Variants in CNTN6 observed in about 807,000 individuals in gnomAD.
CNTN6 encodes the protein contactin 6.
In CNTN6, 137 loss-of-function variants were observed where a neutral mutation model predicts 122.8. The ratio of observed to expected loss-of-function variants is 1.12; its 90% CI spans 0.97 to 1.29. The LOEUF (loss-of-function observed/expected upper bound fraction) is 1.29, where lower values mean the gene tolerates loss of function less well. CNTN6 is among the 50% of genes most tolerant of loss of function. The pLI, the probability that CNTN6 is intolerant of heterozygous loss-of-function variation, is 0.00. For missense variants in CNTN6, 1,634 were observed against 1,223.4 expected (o/e 1.34, Z -5.01); for synonymous variants, 570 against 426.0 (o/e 1.34, Z -4.16).
At chr3:1,120,391 A>G in intron 1 of CNTN6, among the ~76,000 whole-genome samples, 1 of 151,820 alleles carries the variant, frequency 6.6e-6, no homozygotes. Flanking sequence ...AGTTTTAGTC[A>G]TTATTCTGGG....
rs775621097 is a variant in CNTN6 at position 1,111,993 on chromosome 3, G to T, written c.-83+18873G>T. 5.9e-4 allele frequency among the ~76,000 whole-genome samples: 90 copies of T among 152,100 alleles called. 1 individual carries two copies. The highest frequency in any genetic ancestry group is 1.8e-4 in the Non-Finnish European group (12 of 68,012). ...TCTTTGAGCCAAAATACTTAAAAAT[G>T]GAACTATTATGTAGTTATTTTGCCC... On this transcript the variant is annotated intron_variant, in intron 1 of 22. Transcript: ENST00000446702.
intron 4 of CNTN6, among the ~76,000 whole-genome samples, chr3:1,240,392 T>C (rs983175542): frequency 2.0e-5 from 3 of 152,146 alleles, no homozygotes; most frequent in Non-Finnish European, 4.4e-5. Flanking sequence ...AAAGAAGATA[T>C]ACAAATGGCA....
intron 4 of CNTN6, among the ~76,000 whole-genome samples, chr3:1,257,215 G>A (rs968631918): frequency 6.6e-6 from 1 of 151,978 alleles, no homozygotes; most frequent in African/African-American, 2.4e-5. Flanking sequence ...TTCTGTTGAA[G>A]GATTCAAATT....
intron 2 of CNTN6, among the ~76,000 whole-genome samples, chr3:1,218,102 G>A (rs560558000): frequency 2.6e-4 from 40 of 152,264 alleles, no homozygotes; most frequent in South Asian, 1.5e-3. Context: ...GGCGAGAGAG[G>A]CATCCATGCA....
intron 2 of CNTN6, among the ~76,000 whole-genome samples, chr3:1,148,367 A>G (rs2092767477): frequency 6.6e-6 from 1 of 151,844 alleles, no homozygotes; most frequent in African/African-American, 2.4e-5. Context: ...TAATAAAAGA[A>G]TGTAATTAAA....
chr3:1,163,082 G>T (rs965598881), intron 2 of CNTN6, among the ~76,000 whole-genome samples: 2 of 152,174 alleles, frequency 1.3e-5, no homozygotes, highest in Non-Finnish European at 2.9e-5. Flanking sequence ...ATTACCCAAT[G>T]ATTCTAAGAT....
chr3:1,373,694 G>T lies in CNTN6; in HGVS notation c.1877G>T (p.Ser626Ile). 3 of 1,612,998 alleles carry T rather than the reference G, an allele frequency of 1.9e-6. No individual in the cohort carries two copies. The highest frequency in any genetic ancestry group is 2.5e-6 in the Non-Finnish European group (3 of 1,179,328). ...TGGAGAGCAGGCCCAGATAATAACA[G>T]TCCCATTCAAATATTTACTATTCAG... ...LSWRAGPDNN[S>I]PIQIFTIQTR... The change falls in exon 15 of 23, where the codon AGT becomes ATT. Residue 626 changes from serine (S) to isoleucine (I), a missense_variant. Transcript: ENST00000446702.
intron 8 of CNTN6, among the ~76,000 whole-genome samples, chr3:1,325,061 G>T (rs1470697267): frequency 6.6e-6 from 1 of 151,830 alleles, no homozygotes; most frequent in Non-Finnish European, 1.5e-5. Flanking sequence ...TTATGAAAGA[G>T]ATATTCATGT....
chr3:1,196,607 C>T (rs538866173), intron 2 of CNTN6, among the ~76,000 whole-genome samples: 1 of 152,062 alleles, frequency 6.6e-6, no homozygotes, highest in Non-Finnish European at 1.5e-5. Flanking sequence ...AGCTCTTGGA[C>T]CAAGACCTGA....
intron 4 of CNTN6, among the ~76,000 whole-genome samples, chr3:1,249,321 A>G (rs768921342): frequency 3.3e-5 from 5 of 152,202 alleles, no homozygotes; most frequent in Non-Finnish European, 5.9e-5. Context: ...CACCTACCAT[A>G]TGTGTCAAAC....
intron 2 of CNTN6, among the ~76,000 whole-genome samples, chr3:1,197,203 C>T (rs2125409139): frequency 6.6e-6 from 1 of 152,294 alleles, no homozygotes; most frequent in Non-Finnish European, 1.5e-5. Flanking sequence ...ATTGACATAC[C>T]TCTCAGCATC....
chr3:1,334,238 T>A (rs1285712986), intron 11 of CNTN6, among the ~76,000 whole-genome samples: 2 of 152,112 alleles, frequency 1.3e-5, no homozygotes, highest in South Asian at 2.1e-4. Flanking sequence ...GAAATAGCAC[T>A]TATATTGAAG....
chr3:1,379,067 T>G (rs1416397699), intron 17 of CNTN6, among the ~76,000 whole-genome samples: 3 of 152,194 alleles, frequency 2.0e-5, no homozygotes, highest in African/African-American at 7.2e-5. Flanking sequence ...TAACTTATTT[T>G]GTTCTCCTCC....
At chr3:1,186,250 G>C (rs572029587) in intron 2 of CNTN6, among the ~76,000 whole-genome samples, 17 of 152,182 alleles carry the variant, frequency 1.1e-4, no homozygotes, top group African/African-American at 4.1e-4. Flanking sequence ...TGTTACCAAG[G>C]GTTACTTATC....
rs528500702 is a variant in CNTN6, at chr3:1,151,727, C to G, written c.55+3664C>G. 3.8e-4 allele frequency among the ~76,000 whole-genome samples: 58 copies of G among 152,286 alleles called. No homozygotes were observed. The South Asian group carries it at 0.011, about 30-fold the overall frequency. On this transcript the variant is annotated intron_variant, in intron 2 of 22. Coordinates refer to ENST00000446702, the MANE Select transcript of CNTN6 (RefSeq NM_001289080.2). Reference sequence around the variant, plus strand: ...ACAGGGAAACCAGCAAGTAAGTCCACTTAAACTGAGATTCTGCCCCTTGTG... The same window carrying G: ...ACAGGGAAACCAGCAAGTAAGTCCAGTTAAACTGAGATTCTGCCCCTTGTG...
chr3:1,160,344 G>GTATATATATATATATA lies in CNTN6; in HGVS notation c.55+12290_55+12305dup, dbSNP rs56703431. The stretch of plus-strand genomic sequence containing the variant: ...TCTCATCACACAATTTACTTTTACT[G>GTATATATATATATATA]TATATATATATATATATATATATAC... On this transcript the variant is annotated intron_variant, in intron 2 of 22. Transcript: ENST00000446702. 6.7e-3 allele frequency among the ~76,000 whole-genome samples: 743 copies of GTATATATATATATATA among 110,780 alleles called. 3 individuals are homozygous for GTATATATATATATATA. The highest frequency in any genetic ancestry group is 0.011 in the Middle Eastern group (2 of 186). The allele number at this position is 110,780 out of a possible 152,430, so 72.7% of individuals were successfully genotyped here.
At chr3:1,291,518 C>T (rs931214535) in intron 5 of CNTN6, among the ~76,000 whole-genome samples, 1 of 152,182 alleles carries the variant, frequency 6.6e-6, no homozygotes, top group Non-Finnish European at 1.5e-5. Flanking sequence ...AAGCGTATTT[C>T]TCTCCACAAA....
At chr3:1,334,898 G>A (rs879638820) in intron 11 of CNTN6, among the ~76,000 whole-genome samples, 17 of 152,220 alleles carry the variant, frequency 1.1e-4, no homozygotes, top group African/African-American at 2.6e-4. Flanking sequence ...TTAATAGACC[G>A]ATGGTATGAT....
chr3:1,372,281 A>G lies in CNTN6; in HGVS notation c.1493-18A>G, dbSNP rs182077459. 1.3e-6 allele frequency: 2 copies of G among 1,573,922 alleles called. No homozygotes were observed. Among genetic ancestry groups the G allele is most frequent in the Non-Finnish European group, 1.7e-6 (2 of 1,162,530 alleles). Reference sequence around the variant, plus strand: ...TAGCATTTCATAAGCTTTAAAAAATAATTTTTTTTCTCAACAGAGAGAACT... The same window carrying G: ...TAGCATTTCATAAGCTTTAAAAAATGATTTTTTTTCTCAACAGAGAGAACT... On this transcript the variant is annotated intron_variant, in intron 12 of 22. Coordinates refer to ENST00000446702, the MANE Select transcript of CNTN6 (RefSeq NM_001289080.2).
Sources: gnomAD v4.1 joint callset for allele counts (sites outside exome capture counted in the v4.1 genomes callset) on GRCh38, gnomAD v4.1.1 for gene constraint, MANE v1.5 for transcripts, NCBI Gene and HGNC (gene_info 2026-07-23, HGNC 2026-07-21) for gene names.